BBS7: variants seen among roughly 807,000 people sequenced by gnomAD.
BBS7 encodes BBSome complex member BBS7.
BBS7 carries 50 observed loss-of-function variants against 90.3 expected under a neutral mutation model. That is an observed-to-expected ratio of 0.55 (90% CI 0.44 to 0.70). The LOEUF (loss-of-function observed/expected upper bound fraction) is 0.70, where lower values mean the gene tolerates loss of function less well. Among genes scored for constraint, BBS7 ranks in the 30% least tolerant of loss-of-function variants. The pLI is 0.00. For synonymous variants in BBS7, 235 were observed against 287.4 expected (o/e 0.82, Z 1.85); for missense variants, 729 against 838.9 (o/e 0.87, Z 1.62).
At chr4:121,850,613 C>T (rs1726267002) in intron 8 of BBS7, among the ~76,000 whole-genome samples, 1 of 152,166 alleles carries the variant, frequency 6.6e-6, no homozygotes, top group Non-Finnish European at 1.5e-5. Flanking sequence ...TTGTGTCATA[C>T]TCTGATATGT....
intron 5 of BBS7, among the ~76,000 whole-genome samples, chr4:121,858,018 C>A (rs1726775051): frequency 6.6e-6 from 1 of 152,088 alleles, no homozygotes; most frequent in Non-Finnish European, 1.5e-5. Flanking sequence ...GTTGGCCAGG[C>A]TGGTCTCAAA....
intron 8 of BBS7, among the ~76,000 whole-genome samples, chr4:121,852,691 T>C (rs575059615): frequency 1.3e-5 from 2 of 152,110 alleles, no homozygotes; most frequent in South Asian, 4.2e-4. Context: ...TGTTATAAAC[T>C]AAGGCAAAAT....
At chr4:121,853,349 T>A (rs2149077646) in intron 7 of BBS7, among the ~76,000 whole-genome samples, 1 of 152,260 alleles carries the variant, frequency 6.6e-6, no homozygotes, top group South Asian at 2.1e-4. Context: ...CAATTTGGTA[T>A]CTTCTCACAG....
chr4:121,851,414 G>A (rs1726313318), intron 8 of BBS7, among the ~76,000 whole-genome samples: 1 of 146,752 alleles, frequency 6.8e-6, no homozygotes, highest in Non-Finnish European at 1.5e-5. Flanking sequence ...AAGGAAGGAA[G>A]GAGGGAAGGA....
rs1400310194 is a variant in BBS7 at position 121,861,637 on chromosome 4, C to G, written c.208G>C (p.Glu70Gln). The G allele has an allele frequency of 1.2e-6, 2 of 1,613,660 alleles. No homozygotes were observed. Among genetic ancestry groups the G allele is most frequent in the Non-Finnish European group, 1.7e-6 (2 of 1,179,790 alleles). The change falls in exon 4 of 19, where the codon GAA (glutamate) becomes CAA (glutamine). Residue 70 changes from glutamate (E) to glutamine (Q), a missense_variant. Physicochemically the swap from Glu to Gln is conservative, Grantham distance 29. Coordinates refer to ENST00000264499, the MANE Select transcript of BBS7 (RefSeq NM_176824.3). Reference protein sequence around the residue: ...TLPGPKIARLELGGVINTPQE... With the variant: ...TLPGPKIARLQLGGVINTPQE... ...GGTGTGTTGATAACCCCTCCCAGTTCCAGCCTTGCAATCTTCGGCCCGGGT... is the reference window on the plus strand; with the variant it reads ...GGTGTGTTGATAACCCCTCCCAGTTGCAGCCTTGCAATCTTCGGCCCGGGT...
At chr4:121,868,076 T>G in intron 1 of BBS7, 30 bp from the exon 2 acceptor site, 1 of 1,571,560 alleles carries the variant, frequency 6.4e-7, no homozygotes, top group Non-Finnish European at 8.8e-7. Flanking sequence ...GCCTAGTGAA[T>G]TTAATTTGAA....
At chr4:121,860,967 C>T (rs1427456785) in intron 4 of BBS7, among the ~76,000 whole-genome samples, 1 of 152,126 alleles carries the variant, frequency 6.6e-6, no homozygotes, top group African/African-American at 2.4e-5. Context: ...TTCTAAGTAG[C>T]AAATATAAGA....
Position 121,868,060 on chromosome 4 carries a change from C to A in BBS7, c.37-14G>T, listed in dbSNP as rs1727381941. The A allele has an allele frequency of 6.2e-7, 1 of 1,605,170 alleles. No homozygotes were observed. Among genetic ancestry groups the A allele is most frequent in the Middle Eastern group, 1.7e-4 (1 of 6,038 alleles). Reference sequence around the variant, plus strand: ...TGTTACTCCCACCTAAAGAAAAACACCAGATGCCTAGTGAATTTAATTTGA... The same window carrying A: ...TGTTACTCCCACCTAAAGAAAAACAACAGATGCCTAGTGAATTTAATTTGA... On this transcript the variant is annotated splice_polypyrimidine_tract_variant and intron_variant, in intron 1 of 18. Transcript: ENST00000264499.
chr4:121,847,312 C>T (rs1435268397), intron 10 of BBS7, 92 bp downstream of exon 10: 8 of 817,070 alleles, frequency 9.8e-6, no homozygotes, highest in African/African-American at 1.7e-5. Context: ...TAATTCCTTC[C>T]AATAAAATAT....
intron 2 of BBS7, among the ~76,000 whole-genome samples, chr4:121,865,694 T>G (rs1325805459): frequency 6.6e-6 from 1 of 152,228 alleles, no homozygotes; most frequent in Non-Finnish European, 1.5e-5. Context: ...AGTTGTCTCT[T>G]TGATATGATG....
chr4:121,824,768 C>T lies in BBS7; in HGVS notation c.*1092G>A, dbSNP rs1724830468. ...CTCTCTTAACTATACGTGCCTTTAA[C>T]AAATTTTTATATTTATATATAAATA... On this transcript the variant is annotated 3_prime_UTR_variant, in exon 19 of 19. Coordinates refer to ENST00000264499, the MANE Select transcript of BBS7 (RefSeq NM_176824.3). The surrounding 1 kb of genome is among the most constrained non-coding windows in gnomAD (Gnocchi z 4.1). 6.6e-6 allele frequency: 1 copy of T among 151,534 alleles called. No homozygotes were observed. The highest frequency in any genetic ancestry group is 1.5e-5 in the Non-Finnish European group (1 of 67,868). 9.4% of individuals were successfully genotyped at this position (151,534 alleles called of 1,614,324 possible). A position where few individuals can be genotyped will look rare whatever the true frequency, so the allele number is the denominator to read the frequency against.
intron 3 of BBS7, 82 bp from the exon 4 acceptor site, chr4:121,861,761 T>A (rs1472143833): frequency 2.1e-6 from 3 of 1,405,080 alleles, no homozygotes; most frequent in Non-Finnish European, 3.0e-6. Context: ...AATGTTATGA[T>A]GTTAAATTTG....
chr4:121,859,170 G>C lies in BBS7; in HGVS notation c.350C>G (p.Ser117Cys). The C allele has an allele frequency of 1.2e-6, 2 of 1,613,586 alleles. No individual in the cohort carries two copies. The highest frequency in any genetic ancestry group is 1.7e-6 in the Non-Finnish European group (2 of 1,179,558). The stretch of plus-strand genomic sequence containing the variant: ...TGCACTGAGAAAGAGGTCTGAGCCA[G>C]ATATGTGCCTGAGAACATTAAAATA... ...LTESIKAMHISGSDLFLSASY... is the reference protein window; with the variant it reads ...LTESIKAMHICGSDLFLSASY... The change falls in exon 5 of 19, where the codon TCT (serine) becomes TGT (cysteine). Residue 117 changes from serine to cysteine, a missense_variant. Coordinates refer to ENST00000264499, the MANE Select transcript of BBS7 (RefSeq NM_176824.3).
chr4:121,845,846 G>C, intron 10 of BBS7, 150 bp from the exon 11 acceptor site: 2 of 673,822 alleles, frequency 3.0e-6, no homozygotes, highest in Admixed American at 2.7e-5. Flanking sequence ...CAAAATTTTT[G>C]CTTCTATGAC....
Position 121,833,129 on chromosome 4 carries a change from T to G in BBS7, c.1676+102A>C, listed in dbSNP as rs530209205. The G allele has an allele frequency of 2.2e-5, 25 of 1,145,562 alleles. No homozygotes were observed. In the South Asian group the frequency reaches 2.5e-4, roughly 12 times the overall value. The allele number at this position is 1,145,562 out of a possible 1,614,324, so 71.0% of individuals were successfully genotyped here. ...ATAGATTATCTTGAACAGTATAGATTTTCAATCAGATTACTCACAAATAAC... is the reference window on the plus strand; with the variant it reads ...ATAGATTATCTTGAACAGTATAGATGTTCAATCAGATTACTCACAAATAAC... On this transcript the variant is annotated intron_variant, in intron 15 of 18. Transcript: ENST00000264499.
intron 5 of BBS7, chr4:121,858,665 T>C (rs1726813665): frequency 4.0e-6 from 1 of 250,668 alleles, no homozygotes; most frequent in Non-Finnish European, 7.8e-6. Context: ...TTGGGGAAGA[T>C]AAAGGTGATG....
intron 8 of BBS7, among the ~76,000 whole-genome samples, chr4:121,850,605 G>A (rs200435520): frequency 8.7e-4 from 133 of 152,250 alleles, no homozygotes; most frequent in African/African-American, 3.1e-3. Flanking sequence ...TAAAAGATTT[G>A]TGTCATACTC....
chr4:121,830,577 C>G (rs978249754), intron 15 of BBS7, among the ~76,000 whole-genome samples: 4 of 152,116 alleles, frequency 2.6e-5, no homozygotes, highest in African/African-American at 9.7e-5. Context: ...AAATGGTTAT[C>G]TTCTTTTAAT....
chr4:121,866,149 T>C (rs1727260524), intron 2 of BBS7, among the ~76,000 whole-genome samples: 1 of 152,184 alleles, frequency 6.6e-6, no homozygotes, highest in South Asian at 2.1e-4. Flanking sequence ...TTGCAAATAT[T>C]TTAAATCCCA....
Sources: allele counts gnomAD v4.1 joint callset (sites outside exome capture counted in the v4.1 genomes callset), GRCh38; gene constraint gnomAD v4.1.1; non-coding constraint Gnocchi (gnomAD v3.1); transcripts MANE v1.5; gene names NCBI Gene and HGNC (gene_info 2026-07-23, HGNC 2026-07-21).